The following COL21A1 variants were observed in gnomAD, a reference collection of about 807,000 sequenced individuals.
COL21A1 encodes collagen alpha-1(XXI) chain.
A neutral mutation model predicts 137.9 loss-of-function variants in COL21A1; 149 were observed. The ratio of observed to expected loss-of-function variants is 1.08; its 90% CI spans 0.95 to 1.24. COL21A1 has a LOEUF of 1.24. Among genes scored for constraint, COL21A1 ranks in the 50% most tolerant of loss-of-function variants. COL21A1 has a pLI of 0.00. For missense variants in COL21A1, 1,167 were observed against 1,158.4 expected, an observed-to-expected ratio of 1.01 and a Z score of -0.11; for synonymous variants, 456 against 391.5, an observed-to-expected ratio of 1.16 and a Z score of -1.95.
chr6:56,376,268 T>G (rs752823023), intron 1 of COL21A1, among the ~76,000 whole-genome samples: 5 of 152,290 alleles, frequency 3.3e-5, no homozygotes, highest in Middle Eastern at 3.4e-3. Flanking sequence ...GTATAACCTT[T>G]GGCATAACAG....
At chr6:56,109,364 G>C (rs879835687) in intron 16 of COL21A1, among the ~76,000 whole-genome samples, 1 of 151,654 alleles carries the variant, frequency 6.6e-6, no homozygotes, top group Admixed American at 6.6e-5. Flanking sequence ...TGATGACCAA[G>C]GGAGAATAAT....
At chr6:56,231,437 T>G (rs917233040) in intron 1 of COL21A1, among the ~76,000 whole-genome samples, 3 of 151,804 alleles carry the variant, frequency 2.0e-5, no homozygotes, top group Non-Finnish European at 4.4e-5. Context: ...AGGATAGTAC[T>G]GAGAACTAGA....
chr6:56,145,812 T>C (rs1176187666), intron 10 of COL21A1, among the ~76,000 whole-genome samples: 1 of 152,122 alleles, frequency 6.6e-6, no homozygotes, highest in African/African-American at 2.4e-5. Context: ...CTGACAGTAT[T>C]TAAGTCTTTT....
chr6:56,121,075 G>A (rs1000783852), intron 16 of COL21A1, among the ~76,000 whole-genome samples: 2 of 152,080 alleles, frequency 1.3e-5, no homozygotes, highest in African/African-American at 4.8e-5. Flanking sequence ...GATCAAACTA[G>A]AGATCATTAT....
At chr6:56,364,207 G>C (rs2152349006) in intron 1 of COL21A1, among the ~76,000 whole-genome samples, 1 of 152,078 alleles carries the variant, frequency 6.6e-6, no homozygotes, top group African/African-American at 2.4e-5. Flanking sequence ...CTTTGTAATT[G>C]GCAGAGGGAA....
chr6:56,199,268 C>T (rs1660268561), intron 1 of COL21A1, among the ~76,000 whole-genome samples: 1 of 151,656 alleles, frequency 6.6e-6, no homozygotes, highest in African/African-American at 2.4e-5. Flanking sequence ...GATATAGATG[C>T]TACCTTCTCA....
intron 1 of COL21A1, among the ~76,000 whole-genome samples, chr6:56,281,481 C>T (rs1177709297): frequency 6.6e-6 from 1 of 152,132 alleles, no homozygotes; most frequent in Non-Finnish European, 1.5e-5. Flanking sequence ...TCAACCTCAA[C>T]AAGCAGAAAA....
At chr6:56,222,268 C>T (rs1279170290) in intron 1 of COL21A1, among the ~76,000 whole-genome samples, 1 of 151,120 alleles carries the variant, frequency 6.6e-6, no homozygotes, top group African/African-American at 2.4e-5. Flanking sequence ...AGTGAAATTC[C>T]GTCTCAAAAA....
chr6:56,183,618 C>A (rs9370486), intron 1 of COL21A1, among the ~76,000 whole-genome samples: 100,254 of 151,934 alleles, frequency 0.66, 33,447 homozygotes, highest in East Asian at 0.86. Context: ...CCCTCTTCCT[C>A]TCCAGGTACC....
chr6:56,287,336 A>C (rs2152334947), intron 1 of COL21A1, among the ~76,000 whole-genome samples: 1 of 152,312 alleles, frequency 6.6e-6, no homozygotes, highest in Admixed American at 6.5e-5. Flanking sequence ...GTTACACAGC[A>C]AACAGGATGA....
intron 1 of COL21A1, among the ~76,000 whole-genome samples, chr6:56,354,441 A>G (rs1765785841): frequency 6.6e-5 from 10 of 152,202 alleles, no homozygotes; most frequent in Admixed American, 6.5e-4. Context: ...CTAATGACAA[A>G]AAGAGTAGCC....
intron 1 of COL21A1, among the ~76,000 whole-genome samples, chr6:56,240,503 A>C (rs1194847896): frequency 6.6e-6 from 1 of 152,216 alleles, no homozygotes; most frequent in Non-Finnish European, 1.5e-5. Flanking sequence ...ATATACCTCA[A>C]TAGGAATCTT....
upstream of COL21A1, among the ~76,000 whole-genome samples, chr6:56,252,568 C>T (rs1481196069): frequency 6.6e-6 from 1 of 152,200 alleles, no homozygotes. Context: ...TCAGGAACTA[C>T]TTAGCATCTT....
chr6:56,258,396 A>G (rs1763165906), intron 1 of COL21A1, among the ~76,000 whole-genome samples: 1 of 152,094 alleles, frequency 6.6e-6, no homozygotes, highest in South Asian at 2.1e-4. Flanking sequence ...AACTTGCACT[A>G]TAACACCTCC....
At chr6:56,348,810 C>T (rs1765647557) in intron 1 of COL21A1, among the ~76,000 whole-genome samples, 1 of 152,200 alleles carries the variant, frequency 6.6e-6, no homozygotes, top group African/African-American at 2.4e-5. Flanking sequence ...CTTTCCCAAT[C>T]CTATATAAGT....
intron 1 of COL21A1, among the ~76,000 whole-genome samples, chr6:56,254,026 T>C (rs1356625389): frequency 1.3e-5 from 2 of 152,180 alleles, no homozygotes; most frequent in African/African-American, 2.4e-5. Context: ...GAGATAATTA[T>C]TCTATTTTAT....
At chr6:56,105,267 C>T (rs1224682365) in intron 16 of COL21A1, among the ~76,000 whole-genome samples, 2 of 152,138 alleles carry the variant, frequency 1.3e-5, no homozygotes, top group African/African-American at 4.8e-5. Context: ...ATACTCCAAA[C>T]TTCATAGATT....
At chr6:56,376,657 A>G (rs2093999799) in intron 1 of COL21A1, among the ~76,000 whole-genome samples, 1 of 152,158 alleles carries the variant, frequency 6.6e-6, no homozygotes, top group African/African-American at 2.4e-5. Context: ...GGGAGAAGTC[A>G]AGACATTTTA....
At chr6:56,163,569 C>T (rs189989202) in intron 9 of COL21A1, among the ~76,000 whole-genome samples, 2 of 152,114 alleles carry the variant, frequency 1.3e-5, no homozygotes, top group Non-Finnish European at 2.9e-5. Flanking sequence ...ATTAGCCGGG[C>T]GCAGTGGTGA....
Sources: allele counts gnomAD v4.1 joint callset (sites outside exome capture counted in the v4.1 genomes callset), GRCh38; gene constraint gnomAD v4.1.1; transcripts MANE v1.5; gene names NCBI Gene and HGNC (gene_info 2026-07-23, HGNC 2026-07-21).